Variants in MAN2A1 observed in about 807,000 individuals in gnomAD.
The protein encoded by MAN2A1 is mannosidase alpha class 2A member 1, also known as alpha-mannosidase 2.
In MAN2A1, 76 loss-of-function variants were observed where a neutral mutation model predicts 142.6. The observed-to-expected ratio is 0.53, with a 90% CI of 0.44 to 0.65. The LOEUF (loss-of-function observed/expected upper bound fraction) is 0.65. Ranked by LOEUF, MAN2A1 falls within the 30% of genes least tolerant of loss-of-function variation. The pLI is 0.00. For synonymous variants in MAN2A1, 559 were observed against 473.2 expected (o/e 1.18, Z -2.35); for missense variants, 1,311 against 1,365.1 (o/e 0.96, Z 0.62).
At chr5:109,838,899 T>C (rs990105874) in intron 16 of MAN2A1, among the ~76,000 whole-genome samples, 13 of 152,212 alleles carry the variant, frequency 8.5e-5, no homozygotes, top group African/African-American at 2.7e-4. Context: ...AATACTTTAT[T>C]ATTGCTAGAG....
At chr5:109,727,975 T>G (rs1229355811) in intron 3 of MAN2A1, among the ~76,000 whole-genome samples, 1 of 152,168 alleles carries the variant, frequency 6.6e-6, no homozygotes, top group African/African-American at 2.4e-5. Context: ...GTGGAAAAAT[T>G]GAAGTATCCA....
At chr5:109,764,523 C>G (rs1455254894) in intron 5 of MAN2A1, among the ~76,000 whole-genome samples, 1 of 152,056 alleles carries the variant, frequency 6.6e-6, no homozygotes, top group Non-Finnish European at 1.5e-5. Context: ...CAAGAAAAAC[C>G]CTAGCAGGAC....
chr5:109,698,981 A>G (rs895750622), intron 1 of MAN2A1, among the ~76,000 whole-genome samples: 1 of 151,952 alleles, frequency 6.6e-6, no homozygotes, highest in African/African-American at 2.4e-5. Flanking sequence ...TTTTGTTTCA[A>G]TTTTGAGCTA....
chr5:109,815,143 A>G (rs1309538754), intron 12 of MAN2A1, among the ~76,000 whole-genome samples: 2 of 152,150 alleles, frequency 1.3e-5, no homozygotes, highest in African/African-American at 4.8e-5. Context: ...TGCACCTTAG[A>G]AATATAGGAC....
chr5:109,775,422 C>T (rs763344540), intron 8 of MAN2A1, among the ~76,000 whole-genome samples: 1 of 151,922 alleles, frequency 6.6e-6, no homozygotes, highest in Non-Finnish European at 1.5e-5. Context: ...AATACACTAA[C>T]ATTTTTTTTT....
chr5:109,819,141 G>A (rs1754552092), intron 13 of MAN2A1, among the ~76,000 whole-genome samples: 1 of 152,062 alleles, frequency 6.6e-6, no homozygotes, highest in Admixed American at 6.6e-5. Flanking sequence ...AATTACATAA[G>A]CTATTTATAT....
chr5:109,709,862 C>T (rs1398908812), intron 1 of MAN2A1, among the ~76,000 whole-genome samples: 2 of 152,142 alleles, frequency 1.3e-5, no homozygotes, highest in African/African-American at 2.4e-5. Context: ...TCTTGCCCTA[C>T]AGAAAATTGT....
In MAN2A1 at chr5:109,847,652, G is replaced by T. The variant is rs1056499465; in HGVS notation, c.2843-5G>T. ...GTTTTGCTTGTTTGTTTGTTTGTGTGTTAGGTCAGATTGAAGTTATCATGG... is the reference window on the plus strand; with the variant it reads ...GTTTTGCTTGTTTGTTTGTTTGTGTTTTAGGTCAGATTGAAGTTATCATGG... On this transcript the variant is annotated splice_polypyrimidine_tract_variant and splice_region_variant and intron_variant, in intron 18 of 21. Transcript: ENST00000261483. 2 of 1,527,514 alleles carry T rather than the reference G, an allele frequency of 1.3e-6. No homozygotes were observed. Among genetic ancestry groups the T allele is most frequent in the East Asian group, 2.5e-5 (1 of 40,234 alleles). 94.6% of individuals were successfully genotyped at this position (1,527,514 alleles called of 1,614,324 possible).
chr5:109,717,489 A>G (rs1170815319), intron 3 of MAN2A1, among the ~76,000 whole-genome samples: 6 of 152,218 alleles, frequency 3.9e-5, no homozygotes, highest in Non-Finnish European at 7.3e-5. Flanking sequence ...TGTGATGAGC[A>G]GTTATTACAC....
In MAN2A1 at chr5:109,734,501, G is replaced by C. The variant is rs573534485; in HGVS notation, c.707+4988G>C. On this transcript the variant is annotated intron_variant, in intron 4 of 21. Coordinates refer to ENST00000261483, the MANE Select transcript of MAN2A1 (RefSeq NM_002372.4). ...TGGATCTTTCCTGCTGTCTCTTGTG[G>C]GCATTTAGTGCTATAAATTTCCCTC... Among the ~76,000 whole-genome samples, 1,031 of 152,108 alleles carry C rather than the reference G, an allele frequency of 6.8e-3. 1 individual carries two copies. The highest frequency in any genetic ancestry group is 0.011 in the Non-Finnish European group (716 of 67,978).
chr5:109,804,079 ATAGAC>A (rs1754100768), intron 12 of MAN2A1: 1 of 706,046 alleles, frequency 1.4e-6, no homozygotes, highest in African/African-American at 1.9e-5. Context: ...AGTTCAGAAC[ATAGAC>A]TAAAGTGATG....
chr5:109,759,956 T>TAG (rs1752795579), intron 5 of MAN2A1, among the ~76,000 whole-genome samples: 5 of 122,202 alleles, frequency 4.1e-5, no homozygotes, highest in Admixed American at 8.8e-5. Flanking sequence ...GCTATATATA[T>TAG]ATATATATAG....
chr5:109,838,836 C>T (rs1013470766), intron 16 of MAN2A1, among the ~76,000 whole-genome samples: 1 of 152,126 alleles, frequency 6.6e-6, no homozygotes, highest in Non-Finnish European at 1.5e-5. Flanking sequence ...TTTGTTGCCA[C>T]AACAGGGTCT....
chr5:109,763,804 C>CTT (rs34748595), intron 5 of MAN2A1, among the ~76,000 whole-genome samples: 22 of 143,726 alleles, frequency 1.5e-4, no homozygotes, highest in South Asian at 4.4e-4. Context: ...ACCATTATAA[C>CTT]TTTTTTTTTT....
rs144137921 is a variant in MAN2A1, at chr5:109,709,648, G to T, written c.136-3872G>T. On this transcript the variant is annotated intron_variant, in intron 1 of 21. Coordinates refer to ENST00000261483, the MANE Select transcript of MAN2A1 (RefSeq NM_002372.4). ...ATAGGACTGAGTGGTAACTGAGCCT[G>T]TTCTACCTTGTGGTAGACTCTAAAT... is the stretch of plus-strand genomic sequence containing the variant. Among the ~76,000 whole-genome samples, 411 of 152,270 alleles carry T rather than the reference G, an allele frequency of 2.7e-3. 3 individuals carry two copies. The highest frequency in any genetic ancestry group is 4.0e-3 in the Non-Finnish European group (275 of 68,018).
rs950914108 is a variant in MAN2A1, at chr5:109,757,708, C to T, written c.835+2252C>T. On this transcript the variant is annotated intron_variant, in intron 5 of 21. Coordinates refer to ENST00000261483, the MANE Select transcript of MAN2A1 (RefSeq NM_002372.4). ...TAGTCACTCCCCTTCCTAGCTTCAC[C>T]CTTCCCTGCCCCAGTCTCAGGCTAT... is the stretch of plus-strand genomic sequence containing the variant. Among the ~76,000 whole-genome samples, 16 of 152,198 alleles carry T rather than the reference C, an allele frequency of 1.1e-4. 1 individual carries two copies. The South Asian group carries it at 3.1e-3, about 30-fold the overall frequency.
chr5:109,764,755 G>A (rs1279846142), intron 5 of MAN2A1, among the ~76,000 whole-genome samples: 4 of 152,094 alleles, frequency 2.6e-5, no homozygotes, highest in Non-Finnish European at 5.9e-5. Context: ...TAAACTCTTT[G>A]ACATCACTGC....
chr5:109,709,123 A>G (rs553799975), intron 1 of MAN2A1, among the ~76,000 whole-genome samples: 6 of 152,082 alleles, frequency 3.9e-5, no homozygotes, highest in South Asian at 4.1e-4. Context: ...AGTCAAGTTG[A>G]ACCCCAAATT....
chr5:109,777,205 A>G (rs1407807156), intron 8 of MAN2A1, among the ~76,000 whole-genome samples: 1 of 152,144 alleles, frequency 6.6e-6, no homozygotes, highest in East Asian at 1.9e-4. Flanking sequence ...GTGTTGTACA[A>G]GAGGTTCAGT....
Sources: allele counts gnomAD v4.1 joint callset (sites outside exome capture counted in the v4.1 genomes callset), GRCh38; gene constraint gnomAD v4.1.1; transcripts MANE v1.5; gene names NCBI Gene and HGNC (gene_info 2026-07-23, HGNC 2026-07-21).